Variants in ZNF33B observed in about 807,000 individuals in gnomAD.
ZNF33B encodes the protein zinc finger protein 33B, also known as zinc finger protein 11b (KOX 2).
A neutral mutation model predicts 45.8 loss-of-function variants in ZNF33B; 29 were observed. The observed-to-expected ratio is 0.63, with a 90% CI of 0.47 to 0.86. The LOEUF (loss-of-function observed/expected upper bound fraction) is 0.86, where lower values mean the gene tolerates loss of function less well. Ranked by LOEUF, ZNF33B falls within the 40% of genes least tolerant of loss-of-function variation. ZNF33B has a pLI of 0.00. For synonymous variants in ZNF33B, 305 were observed against 307.8 expected, an observed-to-expected ratio of 0.99 and a Z score of 0.10; for missense variants, 831 against 909.9, an observed-to-expected ratio of 0.91 and a Z score of 1.12.
At chr10:42,602,828 A>G (rs916031346) in intron 4 of ZNF33B, among the ~76,000 whole-genome samples, 72 of 150,936 alleles carry the variant, frequency 4.8e-4, no homozygotes, top group African/African-American at 1.7e-3. Context: ...TCTTTTCAAA[A>G]GTTATTTCAC....
intron 4 of ZNF33B, among the ~76,000 whole-genome samples, chr10:42,610,365 G>A (rs1838050458): frequency 1.3e-5 from 2 of 152,076 alleles, no homozygotes; most frequent in South Asian, 4.1e-4. Flanking sequence ...GTGAAACCCT[G>A]TCTCTACTAA....
chr10:42,593,623 A>C lies in ZNF33B; in HGVS notation c.1327T>G (p.Cys443Gly). The change falls in exon 5 of 5, where the codon TGT becomes GGT. Residue 443 changes from cysteine (C) to glycine (G), a missense_variant. Physicochemically the swap from Cys to Gly is radical, Grantham distance 159. Coordinates refer to ENST00000359467, the MANE Select transcript of ZNF33B (RefSeq NM_006955.3). ...RTHTGQKPYE[C>G]YECGKSFCMN... ...CAGAAGGATTTTCCACATTCATAAC[A>C]TTCATAGGGTTTCTGCCCTGTGTGT... 6.2e-7 allele frequency: 1 copy of C among 1,614,050 alleles called. No individual in the cohort carries two copies. The highest frequency in any genetic ancestry group is 8.5e-7 in the Non-Finnish European group (1 of 1,179,952).
At chr10:42,632,767 C>T (rs1208339500) in intron 2 of ZNF33B, 3 of 291,532 alleles carry the variant, frequency 1.0e-5, no homozygotes, top group Non-Finnish European at 1.3e-5. Context: ...AACAGACTAA[C>T]GTTAGGAGCA....
At chr10:42,600,009 GTTTAA>G (rs769625339) in intron 4 of ZNF33B, among the ~76,000 whole-genome samples, 24 of 152,010 alleles carry the variant, frequency 1.6e-4, no homozygotes, top group East Asian at 5.8e-4. Flanking sequence ...TGTTATTGAT[GTTTAA>G]TTTAACTAAA....
chr10:42,604,792 A>G (rs209376), intron 4 of ZNF33B, among the ~76,000 whole-genome samples: 117,106 of 151,766 alleles, frequency 0.77, 45,925 homozygotes, highest in East Asian at 0.88. Context: ...GGTAGTGCAC[A>G]TACCTATAAT....
At chr10:42,600,130 T>C (rs1325550346) in intron 4 of ZNF33B, among the ~76,000 whole-genome samples, 3 of 152,126 alleles carry the variant, frequency 2.0e-5, no homozygotes, top group East Asian at 1.9e-4. Flanking sequence ...TGTTAATATA[T>C]TCGTTCATCT....
rs1189179746 is a variant in ZNF33B, at chr10:42,617,393, CG to C, written c.250+14535del. Among the ~76,000 whole-genome samples the C allele has an allele frequency of 5.3e-5, 8 of 152,062 alleles. 1 individual carries two copies. In the East Asian group the frequency reaches 1.5e-3, roughly 29 times the overall value. On this transcript the variant is annotated intron_variant, in intron 4 of 4. Coordinates refer to ENST00000359467, the MANE Select transcript of ZNF33B (RefSeq NM_006955.3). ...TGTTGAAATTACAGGCATTTGCCAC[CG>C]CACCCAGCCTGGAGGCAATTCTTGA...
chr10:42,605,931 A>T (rs1837826485), intron 4 of ZNF33B, among the ~76,000 whole-genome samples: 1 of 148,026 alleles, frequency 6.8e-6, no homozygotes, highest in Admixed American at 6.7e-5. Flanking sequence ...CCCTATCTCT[A>T]AAAAAAAATG....
At chr10:42,617,214 C>T (rs1239443712) in intron 4 of ZNF33B, among the ~76,000 whole-genome samples, 1 of 149,744 alleles carries the variant, frequency 6.7e-6, no homozygotes, top group Non-Finnish European at 1.5e-5. Flanking sequence ...AGCGATCCTC[C>T]CACCTCAGCT....
At chr10:42,616,228 A>G (rs1216094010) in intron 4 of ZNF33B, among the ~76,000 whole-genome samples, 3 of 151,854 alleles carry the variant, frequency 2.0e-5, no homozygotes, top group African/African-American at 7.3e-5. Context: ...GTGAAACTCC[A>G]TATTAAAAAA....
chr10:42,608,320 CAG>C (rs1383055633), intron 4 of ZNF33B, among the ~76,000 whole-genome samples: 1 of 151,988 alleles, frequency 6.6e-6, no homozygotes, highest in Non-Finnish European at 1.5e-5. Flanking sequence ...AACATGGAAA[CAG>C]AAGATATAGA....
rs1837269770 is a variant in ZNF33B, at chr10:42,593,888, C to A, written c.1062G>T (p.Glu354Asp). 1 of 1,613,910 alleles carries A rather than the reference C, an allele frequency of 6.2e-7. No homozygotes were observed. The highest frequency in any genetic ancestry group is 1.7e-5 in the Admixed American group (1 of 60,002). ...LTRHQRVHTG[E>D]KHFQCNQCGK... is the part of the protein sequence containing the mutation. ...CACATTGATTACATTGAAAGTGTTT[C>A]TCTCCTGTGTGCACCCTCTGATGTC... Residue 354 changes from glutamate (E) to aspartate (D), a missense_variant, in exon 5 of 5, where the codon GAG becomes GAT. By Grantham distance (45) the Glu-to-Asp change is conservative. Coordinates refer to ENST00000359467, the MANE Select transcript of ZNF33B (RefSeq NM_006955.3).
chr10:42,608,328 A>C (rs1400532488), intron 4 of ZNF33B, among the ~76,000 whole-genome samples: 1 of 152,204 alleles, frequency 6.6e-6, no homozygotes, highest in East Asian at 1.9e-4. Flanking sequence ...AACAGAAGAT[A>C]TAGATGACAC....
downstream of ZNF33B, among the ~76,000 whole-genome samples, chr10:42,586,203 G>C (rs1461987358): frequency 6.9e-6 from 1 of 145,828 alleles, no homozygotes; most frequent in Non-Finnish European, 1.5e-5. Context: ...ATCCAGGCTG[G>C]AGTGCAGTGG....
At chr10:42,596,921 T>C (rs549434260) in intron 4 of ZNF33B, among the ~76,000 whole-genome samples, 2 of 152,140 alleles carry the variant, frequency 1.3e-5, no homozygotes, top group South Asian at 4.1e-4. Context: ...CTCCTTTCTT[T>C]TTCTTCCTTG....
intron 1 of ZNF33B, chr10:42,582,795 A>G (rs1836851565): frequency 4.4e-6 from 1 of 227,926 alleles, no homozygotes; most frequent in Non-Finnish European, 8.7e-6. Flanking sequence ...TCGGGAGGAC[A>G]GCAGCTCCAA....
chr10:42,631,893 C>A, intron 4 of ZNF33B, 36 bp downstream of exon 4: 1 of 1,561,438 alleles, frequency 6.4e-7, no homozygotes, highest in Non-Finnish European at 8.8e-7. Flanking sequence ...ACAACAAATC[C>A]CCTGATGTGA....
intron 4 of ZNF33B, among the ~76,000 whole-genome samples, chr10:42,623,549 T>A (rs1421394088): frequency 1.3e-5 from 2 of 152,204 alleles, no homozygotes; most frequent in Non-Finnish European, 2.9e-5. Flanking sequence ...GCTGAAAGCA[T>A]CATGCTAAGT....
chr10:42,583,074 G>A (rs1836857184), intron 1 of ZNF33B: 2 of 823,172 alleles, frequency 2.4e-6, no homozygotes, highest in South Asian at 1.3e-5. Flanking sequence ...TTCCAGCACT[G>A]CAAGGGTTTA....
Sources: allele counts gnomAD v4.1 joint callset (sites outside exome capture counted in the v4.1 genomes callset), GRCh38; gene constraint gnomAD v4.1.1; transcripts MANE v1.5; gene names NCBI Gene and HGNC (gene_info 2026-07-23, HGNC 2026-07-21).